P2RY6: variants seen among roughly 807,000 people sequenced by gnomAD.
The protein encoded by P2RY6 is pyrimidinergic receptor P2Y6, also known as P2Y purinoceptor 6.
A neutral mutation model predicts 16.3 loss-of-function variants in P2RY6; 19 were observed. The ratio of observed to expected loss-of-function variants is 1.16; its 90% CI spans 0.81 to 1.71. The LOEUF (loss-of-function observed/expected upper bound fraction) is 1.71. P2RY6 is among the 40% of genes most tolerant of loss of function. P2RY6 has a pLI of 0.00. For synonymous variants in P2RY6, 184 were observed against 201.5 expected (o/e 0.91, Z 0.74); for missense variants, 389 against 455.5 (o/e 0.85, Z 1.33).
At chr11:73,278,617 C>G (rs1017590185) in intron 1 of P2RY6, among the ~76,000 whole-genome samples, 2 of 152,174 alleles carry the variant, frequency 1.3e-5, no homozygotes, top group Admixed American at 6.5e-5. Context: ...TGGAATCATA[C>G]AGTATTTGTC....
In P2RY6 at chr11:73,292,488, C is replaced by G. The variant is rs367876591; in HGVS notation, c.-120-3242C>G. Among the ~76,000 whole-genome samples, 85 of 152,334 alleles carry G rather than the reference C, an allele frequency of 5.6e-4. 2 individuals carry two copies. The highest frequency in any genetic ancestry group is 2.8e-3 in the Admixed American group (43 of 15,304). ...AGCTAAAGGAGGAGCCATGAGCTCT[C>G]TAATCACTGCCCTACCCATTTGACA... On this transcript the variant is annotated intron_variant, in intron 1 of 2. Transcript: ENST00000540124.
At chr11:73,282,885 T>C (rs1431370409) in intron 1 of P2RY6, among the ~76,000 whole-genome samples, 3 of 152,196 alleles carry the variant, frequency 2.0e-5, no homozygotes, top group Admixed American at 6.5e-5. Flanking sequence ...AAATACTTCC[T>C]GTGCACCAGG....
rs986782798 is a variant in P2RY6, at chr11:73,297,175, G to A, written c.657G>A (p.Leu219=). 3 of 1,604,034 alleles carry A rather than the reference G, an allele frequency of 1.9e-6. No homozygotes were observed. The highest frequency in any genetic ancestry group is 2.7e-5 in the African/African-American group (2 of 74,948). ...GCTACTGTCTCCTGGCCTGCCGCCT[G>A]TGCCGCCAGGATGGCCCGGCAGAGC... The part of the protein sequence containing the change: ...LACYCLLACR[L]CRQDGPAEPV... Residue 219 remains leucine (L), a synonymous_variant, in exon 3 of 3, where the codon CTG becomes CTA. Coordinates refer to ENST00000540124, the MANE Select transcript of P2RY6 (RefSeq NM_001277204.2).
chr11:73,266,492 C>T (rs1023983144), intron 1 of P2RY6, among the ~76,000 whole-genome samples: 3 of 152,230 alleles, frequency 2.0e-5, no homozygotes, highest in African/African-American at 4.8e-5. Context: ...TGGACCAAGA[C>T]AGGCCCTGAG....
chr11:73,288,824 C>T (rs190492179), intron 1 of P2RY6, among the ~76,000 whole-genome samples: 5 of 152,362 alleles, frequency 3.3e-5, no homozygotes, highest in African/African-American at 1.2e-4. Flanking sequence ...CGATCCCAGC[C>T]TGTCTGACTC....
Position 73,296,653 on chromosome 11 carries a change from C to A in P2RY6, c.135C>A (p.Ile45=), listed in dbSNP as rs1260993747. The A allele has an allele frequency of 6.2e-7, 1 of 1,614,178 alleles. No homozygotes were observed. The highest frequency in any genetic ancestry group is 1.7e-5 in the Admixed American group (1 of 60,028). The part of the protein sequence containing the change: ...AVLAAGLPLN[I]CVITQICTSR... ...TGGCGGCTGGCCTGCCGCTGAACAT[C>A]TGTGTCATTACCCAGATCTGCACGT... The change falls in exon 3 of 3, where the codon ATC becomes ATA. Residue 45 remains isoleucine, a synonymous_variant. Transcript: ENST00000540124.
chr11:73,289,740 A>C (rs1168339619), intron 1 of P2RY6, among the ~76,000 whole-genome samples: 1 of 152,192 alleles, frequency 6.6e-6, no homozygotes, highest in East Asian at 1.9e-4. Flanking sequence ...TTTGGGGGGA[A>C]CAATGGAGAA....
At chr11:73,285,687 C>A (rs574619841) in intron 1 of P2RY6, among the ~76,000 whole-genome samples, 1 of 152,276 alleles carries the variant, frequency 6.6e-6, no homozygotes, top group Middle Eastern at 3.4e-3. Context: ...ACTATGCCCC[C>A]CTTACAGGCC....
upstream of P2RY6, among the ~76,000 whole-genome samples, chr11:73,270,712 G>T (rs562866708): frequency 6.6e-6 from 1 of 152,306 alleles, no homozygotes; most frequent in East Asian, 1.9e-4. Flanking sequence ...AAGCGTTGGT[G>T]GCCCTGAGTT....
At chr11:73,273,702 G>A (rs987068528) in intron 1 of P2RY6, among the ~76,000 whole-genome samples, 4 of 152,088 alleles carry the variant, frequency 2.6e-5, no homozygotes, top group African/African-American at 9.7e-5. Context: ...CCTGACTGCC[G>A]GGAGCTCCCA....
At chr11:73,273,514 C>T (rs189157365) in intron 1 of P2RY6, among the ~76,000 whole-genome samples, 1,560 of 152,224 alleles carry the variant, frequency 0.01, 92 homozygotes, top group Admixed American at 0.095. Flanking sequence ...ACACTCCCCT[C>T]GACTCCCTGT....
rs377284880 is a variant in P2RY6 at position 73,296,677 on chromosome 11, G to A, written c.159G>A (p.Thr53=). The A allele has an allele frequency of 4.1e-4, 664 of 1,614,120 alleles. 3 individuals carry two copies. The South Asian group carries it at 5.7e-3, about 14-fold the overall frequency. ...TCTGTGTCATTACCCAGATCTGCACGTCCCGCCGGGCCCTGACCCGCACGG... is the reference window on the plus strand; with the variant it reads ...TCTGTGTCATTACCCAGATCTGCACATCCCGCCGGGCCCTGACCCGCACGG... ...LNICVITQIC[T]SRRALTRTAV... The change falls in exon 3 of 3, where the codon ACG becomes ACA. Residue 53 remains threonine (T), a synonymous_variant. Transcript: ENST00000540124.
At chr11:73,293,810 T>G (rs768127001) in intron 1 of P2RY6, among the ~76,000 whole-genome samples, 1 of 152,136 alleles carries the variant, frequency 6.6e-6, no homozygotes, top group Non-Finnish European at 1.5e-5. Context: ...AGCGGCACAC[T>G]GCAGCCCCCA....
chr11:73,268,209 G>A (rs760722299), upstream of P2RY6, among the ~76,000 whole-genome samples: 12 of 152,250 alleles, frequency 7.9e-5, no homozygotes, highest in Non-Finnish European at 1.6e-4. Context: ...TTACAACTCT[G>A]TTAGGTCTCT....
At chr11:73,286,116 T>C (rs1277729606) in intron 1 of P2RY6, among the ~76,000 whole-genome samples, 1 of 152,186 alleles carries the variant, frequency 6.6e-6, no homozygotes, top group East Asian at 1.9e-4. Flanking sequence ...CCCCCTTCTC[T>C]GAGGGGATGA....
At chr11:73,268,198 C>G (rs942479012), upstream of P2RY6, among the ~76,000 whole-genome samples, 4 of 152,208 alleles carry the variant, frequency 2.6e-5, no homozygotes, top group African/African-American at 9.6e-5. Context: ...GCATGTGCTC[C>G]TTACAACTCT....
chr11:73,291,802 A>G (rs761468996), intron 1 of P2RY6, among the ~76,000 whole-genome samples: 1 of 151,842 alleles, frequency 6.6e-6, no homozygotes, highest in Non-Finnish European at 1.5e-5. Flanking sequence ...GATCAGTATG[A>G]CCATATTCTA....
chr11:73,282,689 T>C (rs184439795), intron 1 of P2RY6, among the ~76,000 whole-genome samples: 2 of 152,178 alleles, frequency 1.3e-5, no homozygotes, highest in Non-Finnish European at 2.9e-5. Context: ...TGGGAGCTCC[T>C]CAAAGGACAG....
At chr11:73,290,177 G>A (rs1227789879) in intron 1 of P2RY6, among the ~76,000 whole-genome samples, 2 of 151,694 alleles carry the variant, frequency 1.3e-5, no homozygotes, top group Non-Finnish European at 1.5e-5. Context: ...AGCCGAGATC[G>A]TGCCATTGTA....
Sources: gnomAD v4.1 joint callset for allele counts (sites outside exome capture counted in the v4.1 genomes callset) on GRCh38, gnomAD v4.1.1 for gene constraint, MANE v1.5 for transcripts, NCBI Gene and HGNC (gene_info 2026-07-23, HGNC 2026-07-21) for gene names.